KPNA6: variants seen among roughly 807,000 people sequenced by gnomAD.
KPNA6 encodes karyopherin subunit alpha 6, also known as importin subunit alpha-7.
KPNA6 carries 9 observed loss-of-function variants against 72.0 expected under a neutral mutation model. That is an observed-to-expected ratio of 0.13 (90% confidence interval 0.08 to 0.22). The LOEUF is 0.22. KPNA6 is among the 10% of genes least tolerant of loss of function. KPNA6 has a pLI of 1.00. For missense variants in KPNA6, 374 were observed against 655.7 expected, an observed-to-expected ratio of 0.57 and a Z score of 4.69; for synonymous variants, 219 against 242.1, an observed-to-expected ratio of 0.90 and a Z score of 0.89.
At chr1:32,155,070 A>G (rs1210469589) in intron 2 of KPNA6, among the ~76,000 whole-genome samples, 1 of 137,080 alleles carries the variant, frequency 7.3e-6, no homozygotes, top group Admixed American at 8.4e-5. Context: ...AGTTCGTGCC[A>G]TTGCACTCCA....
intron 4 of KPNA6, among the ~76,000 whole-genome samples, chr1:32,157,706 T>A (rs1642168967): frequency 6.6e-6 from 1 of 152,136 alleles, no homozygotes; most frequent in South Asian, 2.1e-4. Flanking sequence ...CTTTTTACCT[T>A]GCCCTACATA....
chr1:32,122,782 C>A (rs926954631), intron 1 of KPNA6, among the ~76,000 whole-genome samples: 33 of 151,660 alleles, frequency 2.2e-4, no homozygotes, highest in African/African-American at 7.3e-4. Flanking sequence ...ACAGAGAAAC[C>A]CCCTCTCTAC....
At chr1:32,152,795 A>G (rs568856028) in intron 1 of KPNA6, among the ~76,000 whole-genome samples, 1 of 151,890 alleles carries the variant, frequency 6.6e-6, no homozygotes, top group Admixed American at 6.6e-5. Context: ...CAGTGAGCCG[A>G]GATGGCGCCA....
chr1:32,112,073 G>A (rs1442498538), intron 1 of KPNA6, among the ~76,000 whole-genome samples: 3 of 152,182 alleles, frequency 2.0e-5, no homozygotes, highest in African/African-American at 7.2e-5. Context: ...TTAGGCATGG[G>A]CATATGATGC....
At chr1:32,163,425 T>C in intron 10 of KPNA6, 112 bp downstream of exon 10, 1 of 744,786 alleles carries the variant, frequency 1.3e-6, no homozygotes, top group Non-Finnish European at 2.3e-6. Context: ...TGGGAGGCAC[T>C]ATGGTCTAAG....
At chr1:32,137,617 T>C (rs2124002130) in intron 1 of KPNA6, among the ~76,000 whole-genome samples, 1 of 152,342 alleles carries the variant, frequency 6.6e-6, no homozygotes, top group Admixed American at 6.5e-5. Flanking sequence ...GAGGGCATGC[T>C]GTGTACTTTG....
intron 1 of KPNA6, among the ~76,000 whole-genome samples, chr1:32,149,360 C>G (rs1182769488): frequency 6.6e-6 from 1 of 152,074 alleles, no homozygotes; most frequent in East Asian, 1.9e-4. Flanking sequence ...AGTCCAGTCT[C>G]TGGGCTTCCT....
At chr1:32,169,796 A>C in intron 12 of KPNA6, 86 bp from the exon 13 acceptor site, 2 of 1,169,484 alleles carry the variant, frequency 1.7e-6, no homozygotes, top group Non-Finnish European at 1.2e-6. Context: ...AATTAGTAAG[A>C]GTGGGTTGCT....
At chr1:32,126,177 T>G (rs1001207193) in intron 1 of KPNA6, among the ~76,000 whole-genome samples, 5 of 151,666 alleles carry the variant, frequency 3.3e-5, no homozygotes, top group Non-Finnish European at 5.9e-5. Context: ...TGAGCCATCG[T>G]GCCTGGCCCT....
chr1:32,167,304 A>G lies in KPNA6; in HGVS notation c.1244+8A>G, dbSNP rs907795148. 3.1e-6 allele frequency: 5 copies of G among 1,613,770 alleles called. No homozygotes were observed. Among genetic ancestry groups the G allele is most frequent in the Non-Finnish European group, 4.2e-6 (5 of 1,179,882 alleles). On this transcript the variant is annotated splice_region_variant and intron_variant, in intron 12 of 13. Transcript: ENST00000373625. ...AACCCCTGAGCAGATCAGGTATTAC[A>G]TTCCTTTCCCGTTGTCTTGAATGAT...
intron 1 of KPNA6, among the ~76,000 whole-genome samples, chr1:32,133,516 CAAAAAAAAAAAAA>C (rs56850687): frequency 2.3e-5 from 1 of 43,888 alleles, no homozygotes; most frequent in African/African-American, 7.3e-5. Flanking sequence ...CTAGTCTCTA[CAAAAAAAAAAAAA>C]AAAAAAAAAA....
chr1:32,125,969 C>G lies in KPNA6; in HGVS notation c.4+17835C>G, dbSNP rs565187931. Among the ~76,000 whole-genome samples, 34 of 116,812 alleles carry G rather than the reference C, an allele frequency of 2.9e-4. No homozygotes were observed. In the South Asian group the frequency reaches 9.6e-3, roughly 33 times the overall value. 76.6% of individuals were successfully genotyped at this position (116,812 alleles called of 152,430 possible). ...TTTTGCCGCCAAATGTGTTTTGAGA[C>G]TATATTTACTAAAAAAAAAAAAAAA... On this transcript the variant is annotated intron_variant, in intron 1 of 13. Transcript: ENST00000373625.
intron 1 of KPNA6, among the ~76,000 whole-genome samples, chr1:32,126,042 A>C (rs1165527983): frequency 8.6e-6 from 1 of 116,786 alleles, no homozygotes; most frequent in African/African-American, 3.2e-5. Context: ...TTTTCTTTTT[A>C]TTTTGTTTGT....
intron 1 of KPNA6, among the ~76,000 whole-genome samples, chr1:32,119,808 G>C (rs1009079757): frequency 6.7e-6 from 1 of 148,312 alleles, no homozygotes; most frequent in African/African-American, 2.5e-5. Context: ...GCAGTGGCAC[G>C]ATCTCAGCTC....
At chr1:32,120,592 A>G (rs1196411788) in intron 1 of KPNA6, among the ~76,000 whole-genome samples, 1 of 151,462 alleles carries the variant, frequency 6.6e-6, no homozygotes, top group Admixed American at 6.6e-5. Flanking sequence ...TTTGAGATGG[A>G]GTATAGCTCT....
intron 1 of KPNA6, among the ~76,000 whole-genome samples, chr1:32,152,551 A>G (rs1642049618): frequency 6.6e-6 from 1 of 152,032 alleles, no homozygotes; most frequent in Admixed American, 6.6e-5. Context: ...GGTAATATAG[A>G]AGTATAGTGT....
chr1:32,160,751 G>A lies in KPNA6; in HGVS notation c.647+48G>A, dbSNP rs373811592. On this transcript the variant is annotated intron_variant, in intron 7 of 13. Transcript: ENST00000373625. ...ACCTGGGCGTCTACTGGGTGGCCAC[G>A]TGGCAGGTCATTTGGGGGCAGCATA... 7.2e-5 allele frequency: 100 copies of A among 1,388,518 alleles called. 1 individual carries two copies. The highest frequency in any genetic ancestry group is 6.9e-4 in the Admixed American group (41 of 59,648). The allele number at this position is 1,388,518 out of a possible 1,614,324, so 86.0% of individuals were successfully genotyped here. A position where few individuals can be genotyped will look rare whatever the true frequency, so the allele number is the denominator to read the frequency against.
At chr1:32,116,754 T>G (rs1472925233) in intron 1 of KPNA6, among the ~76,000 whole-genome samples, 3 of 152,178 alleles carry the variant, frequency 2.0e-5, no homozygotes, top group Admixed American at 6.6e-5. Flanking sequence ...CTCACTAAGC[T>G]TAATCATTTC....
At position 32,158,224 on chromosome 1, in the gene KPNA6, A is replaced by G. The variant is rs767336177; in HGVS notation, c.332-43A>G. On this transcript the variant is annotated intron_variant, in intron 4 of 13. Coordinates refer to ENST00000373625, the MANE Select transcript of KPNA6 (RefSeq NM_012316.5). ...GCTGACCCCCATGAAGGGATCAGCA[A>G]AAGCTTCTCCTGTGTTTTTATTTTC... 4 of 1,376,582 alleles carry G rather than the reference A, an allele frequency of 2.9e-6. No homozygotes were observed. In the South Asian group the frequency reaches 3.5e-5, roughly 12 times the overall value. The allele number at this position is 1,376,582 out of a possible 1,614,324, so 85.3% of individuals were successfully genotyped here. A position where few individuals can be genotyped will look rare whatever the true frequency, so the allele number is the denominator to read the frequency against.
Sources: gnomAD v4.1 joint callset for allele counts (sites outside exome capture counted in the v4.1 genomes callset) on GRCh38, gnomAD v4.1.1 for gene constraint, MANE v1.5 for transcripts, NCBI Gene and HGNC (gene_info 2026-07-23, HGNC 2026-07-21) for gene names.